The following TM4SF20 variants were observed in gnomAD, a reference collection of about 807,000 sequenced individuals.
TM4SF20 encodes transmembrane 4 L6 family member 20.
A neutral mutation model predicts 15.1 loss-of-function variants in TM4SF20; 13 were observed. The ratio of observed to expected loss-of-function variants is 0.86; its 90% CI spans 0.56 to 1.36. TM4SF20 has a LOEUF of 1.36. Ranked by LOEUF, TM4SF20 falls within the 40% of genes most tolerant of loss-of-function variation. The pLI is 0.00. For missense variants in TM4SF20, 282 were observed against 268.4 expected (o/e 1.05, Z -0.35); for synonymous variants, 92 against 96.6 (o/e 0.95, Z 0.28).
At chr2:227,378,867 A>C (rs947324783) in intron 1 of TM4SF20, among the ~76,000 whole-genome samples, 1 of 152,210 alleles carries the variant, frequency 6.6e-6, no homozygotes, top group Admixed American at 6.5e-5. Context: ...CTACTAATTA[A>C]TTTATTTTTT....
chr2:227,364,905 G>A (rs1450243349), intron 3 of TM4SF20, among the ~76,000 whole-genome samples: 1 of 152,134 alleles, frequency 6.6e-6, no homozygotes, highest in African/African-American at 2.4e-5. Context: ...TATTAGCAAG[G>A]AGACTTTCCT....
chr2:227,372,846 A>C (rs1276569909), intron 1 of TM4SF20, among the ~76,000 whole-genome samples: 1 of 152,120 alleles, frequency 6.6e-6, no homozygotes, highest in Non-Finnish European at 1.5e-5. Flanking sequence ...TTGGGACTAC[A>C]GATGCATGCC....
chr2:227,373,455 T>C (rs1560006361), intron 1 of TM4SF20, among the ~76,000 whole-genome samples: 1 of 152,212 alleles, frequency 6.6e-6, no homozygotes, highest in Non-Finnish European at 1.5e-5. Flanking sequence ...ACTAAACATC[T>C]TTTATTGTAC....
upstream of TM4SF20, chr2:227,381,593 G>C (rs1324379547): frequency 6.6e-6 from 1 of 152,064 alleles, no homozygotes; most frequent in Non-Finnish European, 1.5e-5. Context: ...ACTTACCTTA[G>C]AATGTGGGTT....
chr2:227,378,993 A>T (rs2076464663), intron 1 of TM4SF20, 93 bp downstream of exon 1: 1 of 1,262,218 alleles, frequency 7.9e-7, no homozygotes, highest in Non-Finnish European at 1.1e-6. Flanking sequence ...ATAAGCCAAG[A>T]CATAGTTAAC....
At position 227,363,499 on chromosome 2, in the gene TM4SF20, A is replaced by T. The variant is rs1434751240; in HGVS notation, c.*225T>A. On this transcript the variant is annotated 3_prime_UTR_variant, in exon 4 of 4. Coordinates refer to ENST00000304568, the MANE Select transcript of TM4SF20 (RefSeq NM_024795.4). ...ATCCTCCTTCCCTTCTCCTTTCTCT[A>T]CACACAGTGAAGAGGTAAAAAATTT... 1.1e-5 allele frequency: 5 copies of T among 434,908 alleles called. No individual in the cohort carries two copies. The highest frequency in any genetic ancestry group is 2.0e-5 in the Non-Finnish European group (5 of 245,018). 26.9% of individuals were successfully genotyped at this position (434,908 alleles called of 1,614,324 possible).
chr2:227,365,046 G>A (rs983790874), intron 3 of TM4SF20, among the ~76,000 whole-genome samples: 5 of 152,160 alleles, frequency 3.3e-5, no homozygotes, highest in African/African-American at 1.2e-4. Flanking sequence ...GAGTAGCTGG[G>A]ACTAGAGGCG....
At chr2:227,375,677 G>C (rs1032979251) in intron 1 of TM4SF20, among the ~76,000 whole-genome samples, 1 of 152,012 alleles carries the variant, frequency 6.6e-6, no homozygotes, top group African/African-American at 2.4e-5. Context: ...TTTTAGTAGA[G>C]ACGGCGTTTC....
intron 2 of TM4SF20, among the ~76,000 whole-genome samples, chr2:227,367,484 G>A (rs947266139): frequency 6.6e-6 from 1 of 152,034 alleles, no homozygotes; most frequent in African/African-American, 2.4e-5. Flanking sequence ...GACTAGCCTG[G>A]GCAACGTAGT....
At chr2:227,371,040 G>T in intron 1 of TM4SF20, 60 bp from the exon 2 acceptor site, 1 of 1,410,612 alleles carries the variant, frequency 7.1e-7, no homozygotes, top group Non-Finnish European at 1.0e-6. Context: ...AGAAAAAATA[G>T]TAATCTTCAC....
rs570858567 is a variant in TM4SF20, at chr2:227,366,674, C to T, written c.250-430G>A. ...AACCCGGGAGGCAGTCATCCGAGATCGTGCCATTGCACTCCTGCTGGGTGA... is the reference window on the plus strand; with the variant it reads ...AACCCGGGAGGCAGTCATCCGAGATTGTGCCATTGCACTCCTGCTGGGTGA... On this transcript the variant is annotated intron_variant, in intron 2 of 3. Transcript: ENST00000304568. 1.2e-4 allele frequency among the ~76,000 whole-genome samples: 15 copies of T among 124,502 alleles called. No individual in the cohort carries two copies. In the South Asian group the frequency reaches 3.7e-3, roughly 31 times the overall value. The allele number at this position is 124,502 out of a possible 152,430, so 81.7% of individuals were successfully genotyped here. A position where few individuals can be genotyped will look rare whatever the true frequency, so the allele number is the denominator to read the frequency against.
chr2:227,367,735 C>G (rs2076399982), intron 2 of TM4SF20, among the ~76,000 whole-genome samples: 1 of 152,070 alleles, frequency 6.6e-6, no homozygotes, highest in South Asian at 2.1e-4. Context: ...ATGTTGTGCT[C>G]TACATATATC....
Position 227,363,525 on chromosome 2 carries a change from G to C in TM4SF20, c.*199C>G. Reference sequence around the variant, plus strand: ...CACACAGTGAAGAGGTAAAAAATTTGAATAGTACAACACAAAACTAATTGA... The same window carrying C: ...CACACAGTGAAGAGGTAAAAAATTTCAATAGTACAACACAAAACTAATTGA... On this transcript the variant is annotated 3_prime_UTR_variant, in exon 4 of 4. Coordinates refer to ENST00000304568, the MANE Select transcript of TM4SF20 (RefSeq NM_024795.4). 1.9e-6 allele frequency: 1 copy of C among 524,284 alleles called. No homozygotes were observed. Among genetic ancestry groups the C allele is most frequent in the Non-Finnish European group, 3.3e-6 (1 of 303,742 alleles). 32.5% of individuals were successfully genotyped at this position (524,284 alleles called of 1,614,324 possible).
At chr2:227,364,387 C>G (rs959629929) in intron 3 of TM4SF20, among the ~76,000 whole-genome samples, 1 of 148,112 alleles carries the variant, frequency 6.8e-6, no homozygotes, top group Non-Finnish European at 1.5e-5. Flanking sequence ...TCCCCTACCC[C>G]CCGCCACCCC....
chr2:227,370,867 A>G (rs752809080), intron 2 of TM4SF20, 48 bp downstream of exon 2: 6 of 1,535,884 alleles, frequency 3.9e-6, no homozygotes, highest in Non-Finnish European at 4.5e-6. Flanking sequence ...TTAGGTAGCA[A>G]TAACTGTTCA....
intron 2 of TM4SF20, among the ~76,000 whole-genome samples, chr2:227,368,148 T>C (rs1247074991): frequency 2.1e-5 from 3 of 144,394 alleles, no homozygotes; most frequent in Admixed American, 7.0e-5. Flanking sequence ...CTCAGCCTCC[T>C]GAGTAGCTGG....
intron 3 of TM4SF20, among the ~76,000 whole-genome samples, chr2:227,364,364 A>G (rs896938347): frequency 2.0e-5 from 3 of 151,686 alleles, no homozygotes; most frequent in Non-Finnish European, 4.4e-5. Flanking sequence ...CTAGATATAA[A>G]AACTAAGGAG....
At chr2:227,379,012 T>C (rs948396245) in intron 1 of TM4SF20, 74 bp downstream of exon 1, 5 of 1,475,320 alleles carry the variant, frequency 3.4e-6, no homozygotes, top group East Asian at 2.3e-5. Context: ...ACTGCAAGAC[T>C]GGAAGACAGC....
chr2:227,365,608 C>A (rs1012577668), intron 3 of TM4SF20, among the ~76,000 whole-genome samples: 1 of 152,118 alleles, frequency 6.6e-6, no homozygotes, highest in Non-Finnish European at 1.5e-5. Context: ...CAAGGCTCTG[C>A]ATTTTATTTA....
Sources: allele counts gnomAD v4.1 joint callset (sites outside exome capture counted in the v4.1 genomes callset), GRCh38; gene constraint gnomAD v4.1.1; transcripts MANE v1.5; gene names NCBI Gene and HGNC (gene_info 2026-07-23, HGNC 2026-07-21).